Variants in SCEL observed in about 807,000 individuals in gnomAD.
SCEL encodes the protein sciellin.
SCEL carries 113 observed loss-of-function variants against 117.6 expected under a neutral mutation model. The observed-to-expected ratio is 0.96, with a 90% CI of 0.83 to 1.12. The LOEUF (loss-of-function observed/expected upper bound fraction) is 1.12, where lower values mean the gene tolerates loss of function less well. Among genes scored for constraint, SCEL ranks in the 50% most tolerant of loss-of-function variants. The pLI, the probability that SCEL is intolerant of heterozygous loss-of-function variation, is 0.00. For synonymous variants in SCEL, 270 were observed against 256.2 expected (o/e 1.05, Z -0.51); for missense variants, 785 against 810.8 (o/e 0.97, Z 0.39).
chr13:77,644,292 C>A lies in SCEL; in HGVS notation c.*18C>A. 6.2e-7 allele frequency: 1 copy of A among 1,612,284 alleles called. No homozygotes were observed. The highest frequency in any genetic ancestry group is 2.2e-5 in the East Asian group (1 of 44,834). On this transcript the variant is annotated 3_prime_UTR_variant, in exon 33 of 33. Transcript: ENST00000349847. The stretch of plus-strand genomic sequence containing the variant: ...TTCCATAACTCTGGCACAAGGAAAT[C>A]AAGATGAAAAGCACTCATTAAGGAA...
intron 28 of SCEL, among the ~76,000 whole-genome samples, chr13:77,630,568 AT>A (rs1363367960): frequency 1.3e-5 from 2 of 152,134 alleles, no homozygotes; most frequent in East Asian, 3.8e-4. Context: ...AAATTGCTGG[AT>A]TGTAGAGTAA....
intron 9 of SCEL, among the ~76,000 whole-genome samples, chr13:77,574,326 G>A (rs2085811340): frequency 6.6e-6 from 1 of 152,192 alleles, no homozygotes; most frequent in African/African-American, 2.4e-5. Context: ...GATGAAATGA[G>A]TTACAATGTT....
intron 27 of SCEL, among the ~76,000 whole-genome samples, chr13:77,623,974 G>A (rs1481929565): frequency 6.6e-6 from 1 of 152,130 alleles, no homozygotes; most frequent in South Asian, 2.1e-4. Flanking sequence ...CAGTTCTGGA[G>A]GGCAGAAGTC....
At chr13:77,574,422 T>C (rs916630991) in intron 9 of SCEL, among the ~76,000 whole-genome samples, 1 of 152,214 alleles carries the variant, frequency 6.6e-6, no homozygotes, top group African/African-American at 2.4e-5. Context: ...AGTTTATATA[T>C]CCATTCCATT....
At chr13:77,641,126 A>G (rs1209947087) in intron 31 of SCEL, among the ~76,000 whole-genome samples, 2 of 152,228 alleles carry the variant, frequency 1.3e-5, no homozygotes, top group Non-Finnish European at 2.9e-5. Context: ...GATGAAATCA[A>G]AACAAGAAAA....
Position 77,604,435 on chromosome 13 carries a change from C to T in SCEL, c.1157+20C>T. ...TACGAGGTAAGACATTTAAAGCTCC[C>T]CCCTCCCCTTTGTTTGGCATTTAGA... On this transcript the variant is annotated intron_variant, in intron 19 of 32. Coordinates refer to ENST00000349847, the MANE Select transcript of SCEL (RefSeq NM_144777.3). 1.9e-6 allele frequency: 3 copies of T among 1,553,342 alleles called. No individual in the cohort carries two copies. The highest frequency in any genetic ancestry group is 2.6e-6 in the Non-Finnish European group (3 of 1,156,130).
At chr13:77,595,922 A>G (rs2087199850) in intron 12 of SCEL, among the ~76,000 whole-genome samples, 1 of 152,198 alleles carries the variant, frequency 6.6e-6, no homozygotes, top group East Asian at 1.9e-4. Flanking sequence ...TATTCTTGCT[A>G]TAGTGTCATC....
intron 28 of SCEL, among the ~76,000 whole-genome samples, chr13:77,632,308 C>T (rs997408101): frequency 6.6e-6 from 1 of 152,210 alleles, no homozygotes; most frequent in African/African-American, 2.4e-5. Context: ...GCATTTCAAA[C>T]TCACTGATAA....
intron 20 of SCEL, among the ~76,000 whole-genome samples, chr13:77,608,335 C>T (rs540482389): frequency 8.5e-5 from 13 of 152,296 alleles, no homozygotes; most frequent in African/African-American, 1.4e-4. Flanking sequence ...TACGGTGGCT[C>T]ACGCCTGTAA....
Position 77,640,749 on chromosome 13 carries a change from GAATTACA to G in SCEL, c.1917_1923del (p.Leu639PhefsTer57). 6.2e-7 allele frequency: 1 copy of G among 1,603,292 alleles called. No homozygotes were observed. Among genetic ancestry groups the G allele is most frequent in the Non-Finnish European group, 8.5e-7 (1 of 1,172,324 alleles). ...TGTAGAAACTAAAATGATTTTAGATGAATTACAAATTTGCTGCCATTCTACTTGCTTT... is the reference window on the plus strand; with the variant it reads ...TGTAGAAACTAAAATGATTTTAGATGAATTTGCTGCCATTCTACTTGCTTT... On this transcript the variant is annotated frameshift_variant, in exon 31 of 33. Coordinates refer to ENST00000349847, the MANE Select transcript of SCEL (RefSeq NM_144777.3). LOFTEE classifies it high-confidence loss of function.
At chr13:77,618,645 G>C (rs962163778) in intron 27 of SCEL, among the ~76,000 whole-genome samples, 1 of 152,044 alleles carries the variant, frequency 6.6e-6, no homozygotes, top group Non-Finnish European at 1.5e-5. Flanking sequence ...GAAATCAATC[G>C]CACTATTTTG....
chr13:77,585,472 C>A (rs1206169339), intron 9 of SCEL, among the ~76,000 whole-genome samples: 2 of 152,000 alleles, frequency 1.3e-5, no homozygotes, highest in Admixed American at 1.3e-4. Flanking sequence ...GGGGTGAAAA[C>A]AACAACCACT....
Position 77,559,867 on chromosome 13 carries a change from G to T in SCEL, c.221+4G>T. 6.2e-7 allele frequency: 1 copy of T among 1,611,528 alleles called. No homozygotes were observed. The highest frequency in any genetic ancestry group is 1.6e-4 in the Middle Eastern group (1 of 6,062). ...ATTCCCATGATGCATTGGACAGGTG[G>T]GTGTTTAGACATGTTACATCATGAG... is the stretch of plus-strand genomic sequence containing the variant. On this transcript the variant is annotated splice_donor_region_variant and intron_variant, in intron 4 of 32. Transcript: ENST00000349847.
chr13:77,563,831 G>A lies in SCEL; in HGVS notation c.222G>A (p.Arg74=), dbSNP rs1355849845. 1 of 1,582,278 alleles carries A rather than the reference G, an allele frequency of 6.3e-7. No individual in the cohort carries two copies. Among genetic ancestry groups the A allele is most frequent in the African/African-American group, 1.4e-5 (1 of 72,572 alleles). The change falls in exon 5 of 33, where the codon AGG becomes AGA. Residue 74 remains arginine, a splice_region_variant and synonymous_variant. Coordinates refer to ENST00000349847, the MANE Select transcript of SCEL (RefSeq NM_144777.3). ...NRHNSHDALD[R]KVNERDVPKA... ...TTTTTGGTAATTATGTTTGCTACAG[G>A]AAAGTAAATGAGAGAGATGTGCCAA...
At chr13:77,576,678 A>G (rs1472401335) in intron 9 of SCEL, among the ~76,000 whole-genome samples, 1 of 152,162 alleles carries the variant, frequency 6.6e-6, no homozygotes, top group Non-Finnish European at 1.5e-5. Flanking sequence ...TCATTCTCCT[A>G]TAATGGTAGT....
chr13:77,591,898 G>C (rs190182466), intron 11 of SCEL, among the ~76,000 whole-genome samples: 1 of 152,060 alleles, frequency 6.6e-6, no homozygotes, highest in Admixed American at 6.6e-5. Context: ...AATGTCGTCG[G>C]GGGGGAGGGT....
At chr13:77,633,519 A>G (rs574051500) in intron 28 of SCEL, among the ~76,000 whole-genome samples, 67 of 151,038 alleles carry the variant, frequency 4.4e-4, no homozygotes, top group African/African-American at 1.6e-3. Context: ...TTAATTGAGA[A>G]GAACTTTAAT....
chr13:77,586,809 T>C (rs955658359), intron 9 of SCEL, among the ~76,000 whole-genome samples: 4 of 152,216 alleles, frequency 2.6e-5, no homozygotes, highest in African/African-American at 7.2e-5. Context: ...TTCCCAGCTC[T>C]GCCCCTTATG....
At chr13:77,624,082 G>A (rs2089583338) in intron 27 of SCEL, among the ~76,000 whole-genome samples, 1 of 149,992 alleles carries the variant, frequency 6.7e-6, no homozygotes, top group Non-Finnish European at 1.5e-5. Context: ...TCCTTGGCTT[G>A]TGGAAAACTT....
Sources: allele counts gnomAD v4.1 joint callset (sites outside exome capture counted in the v4.1 genomes callset), GRCh38; gene constraint gnomAD v4.1.1; transcripts MANE v1.5; gene names NCBI Gene and HGNC (gene_info 2026-07-23, HGNC 2026-07-21).